The following TNRC6B variants were observed in gnomAD, a reference collection of about 807,000 sequenced individuals.
TNRC6B encodes trinucleotide repeat-containing gene 6B protein.
Under a neutral mutation model 203.6 loss-of-function variants are expected in TNRC6B, and 52 were observed. That is an observed-to-expected ratio of 0.26 (90% CI 0.20 to 0.32). The LOEUF (loss-of-function observed/expected upper bound fraction) is 0.32, where lower values mean the gene tolerates loss of function less well. Among genes scored for constraint, TNRC6B ranks in the 10% least tolerant of loss-of-function variants. The pLI is 1.00. For synonymous variants in TNRC6B, 838 were observed against 845.7 expected (o/e 0.99, Z 0.16); for missense variants, 1,923 against 2,286.2 (o/e 0.84, Z 3.24).
At chr22:40,170,825 G>A (rs9607693) in intron 4 of TNRC6B, among the ~76,000 whole-genome samples, 280 of 22,930 alleles carry the variant, frequency 0.012, 31 homozygotes, top group African/African-American at 0.11. Flanking sequence ...ATATGTGTGT[G>A]TATATACATA....
At chr22:40,257,219 G>T (rs2146486782) in intron 3 of TNRC6B, among the ~76,000 whole-genome samples, 1 of 152,248 alleles carries the variant, frequency 6.6e-6, no homozygotes, top group Non-Finnish European at 1.5e-5. Flanking sequence ...TACTAGTTCT[G>T]TGCAGCTGCT....
At chr22:40,134,549 A>G (rs1472932644) in intron 3 of TNRC6B, among the ~76,000 whole-genome samples, 3 of 152,172 alleles carry the variant, frequency 2.0e-5, no homozygotes, top group African/African-American at 7.2e-5. Context: ...TAAACTATGG[A>G]CTTTAGTTAA....
chr22:40,107,806 A>T (rs1037372956), intron 1 of TNRC6B, among the ~76,000 whole-genome samples: 2 of 151,912 alleles, frequency 1.3e-5, no homozygotes, highest in Non-Finnish European at 2.9e-5. Context: ...TTCTCTGTTT[A>T]TCCATAAATT....
intron 3 of TNRC6B, among the ~76,000 whole-genome samples, chr22:40,261,568 T>C (rs2146493293): frequency 6.6e-6 from 1 of 151,962 alleles, no homozygotes; most frequent in East Asian, 1.9e-4. Flanking sequence ...ACACTCACAC[T>C]GGGTGACAGT....
chr22:40,174,524 C>A (rs1408973121), upstream of TNRC6B, among the ~76,000 whole-genome samples: 1 of 152,148 alleles, frequency 6.6e-6, no homozygotes, highest in Non-Finnish European at 1.5e-5. Flanking sequence ...TGGTATGTAA[C>A]CTCCAAAGGT....
intron 1 of TNRC6B, among the ~76,000 whole-genome samples, chr22:40,048,649 T>C (rs193026482): frequency 6.6e-6 from 1 of 152,336 alleles, no homozygotes; most frequent in Admixed American, 6.5e-5. Context: ...TTAAACATTT[T>C]TTTAAAAATA....
chr22:40,222,728 C>CTTTTTTTTTT lies in TNRC6B; in HGVS notation c.6-23263_6-23254dup, dbSNP rs61374373. On this transcript the variant is annotated intron_variant, in intron 1 of 22. Transcript: ENST00000454349. ...ATCTTGCTGTATTCTCTCTCTCTCT[C>CTTTTTTTTTT]TTTTTTTTTTTTTTTTTTTTTTTTT... 9.0e-3 allele frequency among the ~76,000 whole-genome samples: 363 copies of CTTTTTTTTTT among 40,210 alleles called. 62 individuals are homozygous for CTTTTTTTTTT. Among genetic ancestry groups the CTTTTTTTTTT allele is most frequent in the Admixed American group, 0.012 (27 of 2,240 alleles). The allele number at this position is 40,210 out of a possible 152,430, so 26.4% of individuals were successfully genotyped here. A position where few individuals can be genotyped will look rare whatever the true frequency, so the allele number is the denominator to read the frequency against.
Position 40,278,022 on chromosome 22 carries a change from C to G in TNRC6B, c.3240C>G (p.Ser1080Arg). 6.4e-7 allele frequency: 1 copy of G among 1,562,480 alleles called. No homozygotes were observed. Among genetic ancestry groups the G allele is most frequent in the East Asian group, 2.3e-5 (1 of 42,912 alleles). ...GLLSQTEDNP[S>R]SKMDLSVGSL... ...AGAGTCAGACTGAAGATAATCCAAG[C>G]AGCAAAATGGATTTGTCTGTAGGTG... Residue 1080 changes from serine to arginine, a missense_variant, in exon 9 of 23, where the codon AGC becomes AGG. Coordinates refer to ENST00000454349, the MANE Select transcript of TNRC6B (RefSeq NM_001162501.2).
chr22:40,047,280 A>AT (rs2067698286), intron 1 of TNRC6B, among the ~76,000 whole-genome samples: 1 of 152,110 alleles, frequency 6.6e-6, no homozygotes, highest in Non-Finnish European at 1.5e-5. Context: ...AATACCACTG[A>AT]TGATTAGGTT....
Position 40,241,293 on chromosome 22 carries a change from G to A in TNRC6B, c.6-4722G>A, listed in dbSNP as rs183796407. 4.4e-3 allele frequency among the ~76,000 whole-genome samples: 677 copies of A among 152,186 alleles called. 2 individuals carry two copies. Among genetic ancestry groups the A allele is most frequent in the Admixed American group, 5.9e-3 (90 of 15,272 alleles). On this transcript the variant is annotated intron_variant, in intron 1 of 22. Transcript: ENST00000454349. The stretch of plus-strand genomic sequence containing the variant: ...TGTTTCTAACAAAAAGAACATTCTG[G>A]TGTAAAACCACAATATAACCATCAA...
At chr22:40,131,443 G>A (rs902387663) in intron 3 of TNRC6B, among the ~76,000 whole-genome samples, 7 of 151,166 alleles carry the variant, frequency 4.6e-5, no homozygotes, top group Non-Finnish European at 7.4e-5. Context: ...TATAAAGCAG[G>A]TGATGGTTTC....
At chr22:40,215,692 T>TA (rs1434888483) in intron 1 of TNRC6B, among the ~76,000 whole-genome samples, 4 of 152,232 alleles carry the variant, frequency 2.6e-5, no homozygotes, top group African/African-American at 9.6e-5. Flanking sequence ...TATAGTACCT[T>TA]AGTGTTCTCT....
At chr22:40,317,925 A>C (rs1163208326) in intron 21 of TNRC6B, among the ~76,000 whole-genome samples, 1 of 152,220 alleles carries the variant, frequency 6.6e-6, no homozygotes, top group Non-Finnish European at 1.5e-5. Flanking sequence ...GGATTCATGC[A>C]CACTTTATTA....
At chr22:40,150,768 C>T (rs181789391) in intron 3 of TNRC6B, among the ~76,000 whole-genome samples, 8 of 152,264 alleles carry the variant, frequency 5.3e-5, no homozygotes, top group South Asian at 4.2e-4. Context: ...TTATATCTGT[C>T]AGGTTGAGGA....
chr22:40,142,227 T>G (rs1183359698), intron 3 of TNRC6B, among the ~76,000 whole-genome samples: 8 of 37,030 alleles, frequency 2.2e-4, no homozygotes, highest in African/African-American at 5.0e-4. Flanking sequence ...CCTAGCTAAT[T>G]TTTTTTTTTT....
Position 40,093,665 on chromosome 22 carries a change from C to T in TNRC6B, c.-120-23390C>T, listed in dbSNP as rs142222797. On this transcript the variant is annotated intron_variant, in intron 1 of 23. Transcript: ENST00000301923. ...AACAAAAGCATTTTGAAATAAAAAC[C>T]ATTTTTATTATGAATGGAGAAAAGT... Among the ~76,000 whole-genome samples the T allele has an allele frequency of 2.0e-5, 3 of 152,256 alleles. No individual in the cohort carries two copies. The East Asian group carries it at 5.8e-4, about 29-fold the overall frequency.
At chr22:40,291,056 C>T (rs2070863552) in intron 12 of TNRC6B, among the ~76,000 whole-genome samples, 2 of 152,130 alleles carry the variant, frequency 1.3e-5, no homozygotes, top group South Asian at 2.1e-4. Context: ...CCCAACATTT[C>T]TGTATTTCTA....
intron 1 of TNRC6B, among the ~76,000 whole-genome samples, chr22:40,232,408 C>T (rs1010367576): frequency 6.6e-6 from 1 of 152,158 alleles, no homozygotes; most frequent in African/African-American, 2.4e-5. Context: ...TCATGGATAA[C>T]TGCACATATT....
chr22:40,100,033 G>T (rs2068221521), intron 1 of TNRC6B, among the ~76,000 whole-genome samples: 1 of 151,236 alleles, frequency 6.6e-6, no homozygotes, highest in African/African-American at 2.4e-5. Context: ...TTACAGACGT[G>T]GGCCACTGCG....
Sources: gnomAD v4.1 joint callset for allele counts (sites outside exome capture counted in the v4.1 genomes callset) on GRCh38, gnomAD v4.1.1 for gene constraint, MANE v1.5 for transcripts, NCBI Gene and HGNC (gene_info 2026-07-23, HGNC 2026-07-21) for gene names.